Variants in WFS1 observed in about 807,000 individuals in gnomAD.
The protein encoded by WFS1 is wolframin ER transmembrane glycoprotein.
A neutral mutation model predicts 68.5 loss-of-function variants in WFS1; 90 were observed. The observed-to-expected ratio is 1.31, with a 90% CI of 1.11 to 1.56. The LOEUF is 1.56. Among genes scored for constraint, WFS1 ranks in the 40% most tolerant of loss-of-function variants. The pLI is 0.00. For synonymous variants in WFS1, 860 were observed against 540.7 expected (o/e 1.59, Z -8.19); for missense variants, 1,767 against 1,232.6 (o/e 1.43, Z -6.49).
intron 1 of WFS1, among the ~76,000 whole-genome samples, chr4:6,271,498 T>C (rs1349654533): frequency 6.6e-6 from 1 of 152,118 alleles, no homozygotes; most frequent in Non-Finnish European, 1.5e-5. Context: ...GAAACACCCA[T>C]CCTTGACGGT....
At chr4:6,300,032 G>C (rs1438306417) in intron 7 of WFS1, among the ~76,000 whole-genome samples, 1 of 151,974 alleles carries the variant, frequency 6.6e-6, no homozygotes, top group Non-Finnish European at 1.5e-5. Context: ...CCGGCCATAG[G>C]GAGGGCAGCT....
chr4:6,282,525 T>C lies in WFS1; in HGVS notation c.233-4568T>C, dbSNP rs561141495. ...CCTTGGAGACGGGAGGATTACATCATATTTATTTACCACATGCCTAAGATC... is the reference window on the plus strand; with the variant it reads ...CCTTGGAGACGGGAGGATTACATCACATTTATTTACCACATGCCTAAGATC... On this transcript the variant is annotated intron_variant, in intron 2 of 7. Transcript: ENST00000226760. Among the ~76,000 whole-genome samples, 3 of 152,276 alleles carry C rather than the reference T, an allele frequency of 2.0e-5. No individual in the cohort carries two copies. In the South Asian group the frequency reaches 6.2e-4, roughly 32 times the overall value.
At chr4:6,299,830 ATG>A (rs541277997) in intron 7 of WFS1, among the ~76,000 whole-genome samples, 4 of 64,162 alleles carry the variant, frequency 6.2e-5, no homozygotes, top group African/African-American at 1.8e-4. Flanking sequence ...GTGTGTGTGA[ATG>A]TGTATAGGGG....
intron 7 of WFS1, among the ~76,000 whole-genome samples, chr4:6,297,812 GAA>G (rs1400524748): frequency 1.3e-5 from 2 of 152,182 alleles, no homozygotes; most frequent in African/African-American, 4.8e-5. Context: ...AAAGGAGACT[GAA>G]CTTTTTAATC....
At chr4:6,289,191 T>A in intron 4 of WFS1, 60 bp downstream of exon 4, 2 of 1,518,734 alleles carry the variant, frequency 1.3e-6, no homozygotes, top group Non-Finnish European at 1.8e-6. Flanking sequence ...TAATGCTGCT[T>A]GCTAACTGAA....
Position 6,302,656 on chromosome 4 carries a change from C to G in WFS1, c.*188C>G. 1 of 789,860 alleles carries G rather than the reference C, an allele frequency of 1.3e-6. No homozygotes were observed. Among genetic ancestry groups the G allele is most frequent in the Non-Finnish European group, 2.0e-6 (1 of 503,140 alleles). 48.9% of individuals were successfully genotyped at this position (789,860 alleles called of 1,614,324 possible). ...AGGGAAGGCTGCTGTGTAGCTCTGT[C>G]CACTCTGAATACCAAGTGTGTTGGG... On this transcript the variant is annotated 3_prime_UTR_variant, in exon 8 of 8. Coordinates refer to ENST00000226760, the MANE Select transcript of WFS1 (RefSeq NM_006005.3).
At chr4:6,291,390 C>G in intron 5 of WFS1, 23 bp downstream of exon 5, 1 of 1,609,816 alleles carries the variant, frequency 6.2e-7, no homozygotes, top group Non-Finnish European at 8.5e-7. Context: ...ACCCTGGGCA[C>G]CAGCCTTCCC....
chr4:6,291,316 C>T lies in WFS1; in HGVS notation c.580C>T (p.Gln194Ter). The change falls in exon 5 of 8, where the codon CAG becomes TAG. Residue 194 changes from glutamine (Q) to a stop codon, truncating the protein, a stop_gained. Coordinates refer to ENST00000226760, the MANE Select transcript of WFS1 (RefSeq NM_006005.3). LOFTEE classifies it high-confidence loss of function. Reference sequence around the variant, plus strand: ...GAAGCTCAACCCCAAGAAGAAGAAGCAGGTGGCCGTGGCGGAGCTGCTGGA... The same window carrying T: ...GAAGCTCAACCCCAAGAAGAAGAAGTAGGTGGCCGTGGCGGAGCTGCTGGA... ...YWKLNPKKKK[Q>*]VAVAELLENV... 2 of 1,613,476 alleles carry T rather than the reference C, an allele frequency of 1.2e-6. No homozygotes were observed. The highest frequency in any genetic ancestry group is 1.7e-6 in the Non-Finnish European group (2 of 1,180,008).
At chr4:6,291,395 C>T in intron 5 of WFS1, 28 bp downstream of exon 5, 3 of 1,608,648 alleles carry the variant, frequency 1.9e-6, no homozygotes, top group Non-Finnish European at 1.7e-6. Flanking sequence ...GGGCACCAGC[C>T]TTCCCTGGGC....
chr4:6,277,706 A>G lies in WFS1; in HGVS notation c.232+19A>G, dbSNP rs569140286. ...GGCACCGGTAAGGGAGCAGGCTGGGAAGCCCAGGCTGGGGATGTTCAGGGA... is the reference window on the plus strand; with the variant it reads ...GGCACCGGTAAGGGAGCAGGCTGGGGAGCCCAGGCTGGGGATGTTCAGGGA... On this transcript the variant is annotated intron_variant, in intron 2 of 7. Coordinates refer to ENST00000226760, the MANE Select transcript of WFS1 (RefSeq NM_006005.3). The G allele has an allele frequency of 6.4e-7, 1 of 1,550,798 alleles. No individual in the cohort carries two copies. The highest frequency in any genetic ancestry group is 1.4e-5 in the African/African-American group (1 of 73,254).
chr4:6,293,856 C>T (rs6446481), intron 6 of WFS1, among the ~76,000 whole-genome samples: 2 of 152,016 alleles, frequency 1.3e-5, no homozygotes, highest in Admixed American at 1.3e-4. Flanking sequence ...ACCCGCAAGC[C>T]CCCAGCCCGC....
In WFS1 at chr4:6,302,047, A is replaced by G. The variant is rs1302973578; in HGVS notation, c.2252A>G (p.Glu751Gly). 6.2e-7 allele frequency: 1 copy of G among 1,612,802 alleles called. No individual in the cohort carries two copies. The highest frequency in any genetic ancestry group is 1.7e-5 in the Admixed American group (1 of 59,988). ...ACSPGNTSTA[E>G]EELCRLKLLA... Reference sequence around the variant, plus strand: ...AGCCCTGGCAACACCTCCACGGCCGAGGAGGAGCTCTGTCGCCTTAAGCTG... The same window carrying G: ...AGCCCTGGCAACACCTCCACGGCCGGGGAGGAGCTCTGTCGCCTTAAGCTG... The change falls in exon 8 of 8, where the codon GAG becomes GGG. Residue 751 changes from glutamate to glycine, a missense_variant. By Grantham distance (98) the Glu-to-Gly change is moderately conservative. Coordinates refer to ENST00000226760, the MANE Select transcript of WFS1 (RefSeq NM_006005.3).
rs754246189 is a variant in WFS1 at position 6,291,987 on chromosome 4, C to T, written c.702C>T (p.Val234=). 19 of 1,607,850 alleles carry T rather than the reference C, an allele frequency of 1.2e-5. No individual in the cohort carries two copies. Among genetic ancestry groups the T allele is most frequent in the South Asian group, 7.8e-5 (7 of 89,674 alleles). The change falls in exon 6 of 8, where the codon GTC becomes GTT. Residue 234 remains valine, a synonymous_variant. Transcript: ENST00000226760. ...QKQRRMLERL[V]SSESKNYIAL... The stretch of plus-strand genomic sequence containing the variant: ...AGAGGCGCATGCTGGAGCGCCTGGT[C>T]AGCAGCGAGTGTGAGTGCAGCCCCT...
intron 5 of WFS1, 43 bp downstream of exon 5, chr4:6,291,410 GCCTTCCCACAGGAGCCAGGA>G: frequency 6.2e-7 from 1 of 1,604,552 alleles, no homozygotes; most frequent in Non-Finnish European, 8.5e-7. Context: ...CTGGGCGCCA[GCCTTCCCACAGGAGCCAGGA>G]CCTTCCCATA....
chr4:6,298,347 G>A (rs1298948203), intron 7 of WFS1, among the ~76,000 whole-genome samples: 5 of 152,222 alleles, frequency 3.3e-5, no homozygotes, highest in African/African-American at 9.6e-5. Context: ...TCTGGCAAGC[G>A]TTGGAAATGC....
At position 6,302,734 on chromosome 4, in the gene WFS1, G is replaced by C; in HGVS notation, c.*266G>C. On this transcript the variant is annotated 3_prime_UTR_variant, in exon 8 of 8. Coordinates refer to ENST00000226760, the MANE Select transcript of WFS1 (RefSeq NM_006005.3). ...TGACCTTTCTGAGTGACATGGGTGT[G>C]CCAGGCTAGACTAGGAGGTTCCGGT... 1 of 582,904 alleles carries C rather than the reference G, an allele frequency of 1.7e-6. No individual in the cohort carries two copies. The highest frequency in any genetic ancestry group is 3.0e-6 in the Non-Finnish European group (1 of 331,592). The allele number at this position is 582,904 out of a possible 1,614,324, so 36.1% of individuals were successfully genotyped here.
Position 6,302,655 on chromosome 4 carries a change from T to C in WFS1, c.*187T>C. 1 of 798,854 alleles carries C rather than the reference T, an allele frequency of 1.3e-6. No homozygotes were observed. Among genetic ancestry groups the C allele is most frequent in the Non-Finnish European group, 2.0e-6 (1 of 511,472 alleles). 49.5% of individuals were successfully genotyped at this position (798,854 alleles called of 1,614,324 possible). A position where few individuals can be genotyped will look rare whatever the true frequency, so the allele number is the denominator to read the frequency against. On this transcript the variant is annotated 3_prime_UTR_variant, in exon 8 of 8. Coordinates refer to ENST00000226760, the MANE Select transcript of WFS1 (RefSeq NM_006005.3). ...AAGGGAAGGCTGCTGTGTAGCTCTG[T>C]CCACTCTGAATACCAAGTGTGTTGG...
chr4:6,297,967 G>A (rs1445334001), intron 7 of WFS1, among the ~76,000 whole-genome samples: 2 of 152,186 alleles, frequency 1.3e-5, no homozygotes, highest in Non-Finnish European at 2.9e-5. Flanking sequence ...GCCATCCAAC[G>A]TAATGTTCTA....
chr4:6,295,300 G>T (rs1014045772), intron 7 of WFS1, 111 bp downstream of exon 7: 1 of 1,364,284 alleles, frequency 7.3e-7, no homozygotes, highest in Non-Finnish European at 1.0e-6. Context: ...GCCTAACAAA[G>T]AGTGTCTTAC....
Sources: gnomAD v4.1 joint callset for allele counts (sites outside exome capture counted in the v4.1 genomes callset) on GRCh38, gnomAD v4.1.1 for gene constraint, MANE v1.5 for transcripts, NCBI Gene and HGNC (gene_info 2026-07-23, HGNC 2026-07-21) for gene names.